GLI3: variants seen among roughly 807,000 people sequenced by gnomAD.
GLI3 encodes GLI family zinc finger 3.
Under a neutral mutation model 100.8 loss-of-function variants are expected in GLI3, and 20 were observed. The observed-to-expected ratio is 0.20, with a 90% CI of 0.14 to 0.29. The LOEUF is 0.29. GLI3 is among the 10% of genes least tolerant of loss of function. The pLI, the probability that GLI3 is intolerant of heterozygous loss-of-function variation, is 1.00. For synonymous variants in GLI3, 938 were observed against 860.5 expected, an observed-to-expected ratio of 1.09 and a Z score of -1.58; for missense variants, 2,040 against 2,128.5, an observed-to-expected ratio of 0.96 and a Z score of 0.82.
intron 2 of GLI3, among the ~76,000 whole-genome samples, chr7:42,203,289 G>T (rs918108611): frequency 6.6e-6 from 1 of 152,074 alleles, no homozygotes; most frequent in Non-Finnish European, 1.5e-5. Context: ...ACAATGTAGG[G>T]TCATTAACTA....
intron 1 of GLI3, among the ~76,000 whole-genome samples, chr7:42,246,000 A>G (rs1788967131): frequency 6.6e-6 from 1 of 152,102 alleles, no homozygotes; most frequent in Admixed American, 6.5e-5. Flanking sequence ...TGTGTGGCAT[A>G]CAGGTCACCT....
chr7:42,019,136 T>C (rs1008442373), intron 10 of GLI3, among the ~76,000 whole-genome samples: 2 of 152,096 alleles, frequency 1.3e-5, no homozygotes, highest in Admixed American at 1.3e-4. Flanking sequence ...GGACATGAAG[T>C]ATGGTGATGA....
chr7:41,979,051 G>A (rs1341256115), intron 10 of GLI3, among the ~76,000 whole-genome samples: 5 of 152,158 alleles, frequency 3.3e-5, no homozygotes, highest in African/African-American at 1.2e-4. Context: ...TTCCAGGTTT[G>A]GGACCAGCTA....
chr7:42,046,808 G>T (rs1784254485), intron 5 of GLI3, among the ~76,000 whole-genome samples: 1 of 152,090 alleles, frequency 6.6e-6, no homozygotes, highest in Non-Finnish European at 1.5e-5. Context: ...TTCTTCAAGT[G>T]CAAAATAAAA....
chr7:42,045,838 A>G (rs1784234101), intron 5 of GLI3, among the ~76,000 whole-genome samples: 1 of 152,220 alleles, frequency 6.6e-6, no homozygotes, highest in African/African-American at 2.4e-5. Flanking sequence ...TTTGCCCCCC[A>G]AATAAAATCA....
At chr7:42,179,335 A>C (rs1770950357) in intron 2 of GLI3, among the ~76,000 whole-genome samples, 1 of 152,136 alleles carries the variant, frequency 6.6e-6, no homozygotes, top group Non-Finnish European at 1.5e-5. Context: ...GCAGCGTGAA[A>C]ACAGACTAAT....
chr7:42,123,986 T>A (rs1583577736), intron 3 of GLI3, among the ~76,000 whole-genome samples: 1 of 152,330 alleles, frequency 6.6e-6, no homozygotes, highest in Non-Finnish European at 1.5e-5. Flanking sequence ...AAGAGTCACC[T>A]TCAGAGGCAA....
chr7:42,041,166 C>G (rs1016345979), intron 6 of GLI3, among the ~76,000 whole-genome samples: 8 of 152,140 alleles, frequency 5.3e-5, no homozygotes, highest in African/African-American at 1.9e-4. Context: ...TTCTCTGGAC[C>G]TTGTTTCTCT....
intron 2 of GLI3, among the ~76,000 whole-genome samples, chr7:42,153,888 G>A (rs939826757): frequency 2.6e-5 from 4 of 151,988 alleles, no homozygotes; most frequent in South Asian, 2.1e-4. Context: ...CAATGATGGC[G>A]GTAGGACAAG....
chr7:41,965,680 C>A lies in GLI3; in HGVS notation c.3393G>T (p.Ala1131=), dbSNP rs1171117438. The change falls in exon 15 of 15, where the codon GCG becomes GCT. Residue 1131 remains alanine, a synonymous_variant. Transcript: ENST00000395925. ...KVPHGPGDFD[A]PGLPDSHAGQ... is the part of the protein sequence containing the mutation. ...CAGCGTGGCTGTCTGGCAGCCCGGG[C>A]GCGTCAAAGTCACCGGGCCCGTGGG... 1.9e-6 allele frequency: 3 copies of A among 1,613,130 alleles called. No homozygotes were observed. Among genetic ancestry groups the A allele is most frequent in the South Asian group, 2.2e-5 (2 of 91,058 alleles).
intron 10 of GLI3, among the ~76,000 whole-genome samples, chr7:42,001,622 G>A (rs1232644318): frequency 6.6e-6 from 1 of 152,024 alleles, no homozygotes; most frequent in Non-Finnish European, 1.5e-5. Context: ...AGGAACAAAG[G>A]GATGGCAACA....
At chr7:42,189,894 T>C (rs1787790622) in intron 2 of GLI3, among the ~76,000 whole-genome samples, 1 of 151,836 alleles carries the variant, frequency 6.6e-6, no homozygotes, top group South Asian at 2.1e-4. Context: ...TCATCTAATA[T>C]TATACCAAGA....
chr7:42,177,794 C>T (rs538726209), intron 2 of GLI3, among the ~76,000 whole-genome samples: 26 of 152,330 alleles, frequency 1.7e-4, no homozygotes, highest in Admixed American at 6.5e-4. Context: ...TGCAAGAGTG[C>T]ACCCTGTCTC....
intron 2 of GLI3, chr7:42,151,817 C>A (rs967824133): frequency 2.0e-5 from 3 of 152,030 alleles, no homozygotes; most frequent in African/African-American, 7.3e-5. Flanking sequence ...CAAAGCATCA[C>A]GTTTTAGAAA....
At chr7:42,050,511 T>C (rs1042171748) in intron 4 of GLI3, among the ~76,000 whole-genome samples, 5 of 152,226 alleles carry the variant, frequency 3.3e-5, no homozygotes, top group African/African-American at 1.2e-4. Flanking sequence ...TTTAGATGTG[T>C]TTGCTACCTT....
Position 42,230,415 on chromosome 7 carries a change from A to C in GLI3, c.-43+6556T>G, listed in dbSNP as rs148236650. 2.1e-3 allele frequency among the ~76,000 whole-genome samples: 323 copies of C among 152,226 alleles called. 3 individuals carry two copies. The highest frequency in any genetic ancestry group is 7.5e-3 in the African/African-American group (313 of 41,518). On this transcript the variant is annotated intron_variant, in intron 1 of 14. Transcript: ENST00000395925. ...GAATTACTCCAAGGGGAACTAAATT[A>C]CTCTAAGGGGAAATAATTGCCTGGC...
chr7:42,153,249 G>T (rs79749346), intron 2 of GLI3, among the ~76,000 whole-genome samples: 1 of 152,066 alleles, frequency 6.6e-6, no homozygotes, highest in African/African-American at 2.4e-5. Context: ...AATTGTGCTC[G>T]CAGTCTCCCT....
At chr7:42,037,780 G>A (rs1227167172) in intron 7 of GLI3, among the ~76,000 whole-genome samples, 2 of 152,186 alleles carry the variant, frequency 1.3e-5, no homozygotes, top group Non-Finnish European at 2.9e-5. Flanking sequence ...GCTCCTTGGA[G>A]ACGAAATGGG....
intron 10 of GLI3, among the ~76,000 whole-genome samples, chr7:42,000,423 A>G (rs1008995916): frequency 6.6e-5 from 10 of 152,162 alleles, no homozygotes; most frequent in Admixed American, 6.5e-4. Flanking sequence ...TGAGATAGGA[A>G]ATGTTCCAAT....
Sources: gnomAD v4.1 joint callset for allele counts (sites outside exome capture counted in the v4.1 genomes callset) on GRCh38, gnomAD v4.1.1 for gene constraint, MANE v1.5 for transcripts, NCBI Gene and HGNC (gene_info 2026-07-23, HGNC 2026-07-21) for gene names.